CECR2: variants seen among roughly 807,000 people sequenced by gnomAD.
CECR2 encodes the protein CECR2 histone acetyl-lysine reader.
In CECR2, 30 loss-of-function variants were observed where a neutral mutation model predicts 154.5. That is an observed-to-expected ratio of 0.19 (90% CI 0.15 to 0.26). The LOEUF is 0.26. Among genes scored for constraint, CECR2 ranks in the 10% least tolerant of loss-of-function variants. The pLI is 1.00. For synonymous variants in CECR2, 725 were observed against 683.7 expected (o/e 1.06, Z -0.94); for missense variants, 1,743 against 1,829.3 (o/e 0.95, Z 0.86).
chr22:17,540,621 C>G lies in CECR2; in HGVS notation c.1705C>G (p.Pro569Ala). The stretch of plus-strand genomic sequence containing the variant: ...AGAAGGGTCCAGCAGGAAACAGCAG[C>G]CCATGGAGAATGGAGGAAAGTCGTT... Reference protein sequence around the residue: ...DPEGSSRKQQPMENGGKSLPP... With the variant: ...DPEGSSRKQQAMENGGKSLPP... The change falls in exon 14 of 19, where the codon CCC (proline) becomes GCC (alanine). Residue 569 changes from proline (P) to alanine (A), a missense_variant. Pro to Ala is a conservative substitution (Grantham distance 27). Transcript: ENST00000262608. The G allele has an allele frequency of 6.2e-7, 1 of 1,613,832 alleles. No individual in the cohort carries two copies.
At chr22:17,442,541 G>A (rs1398886685) in intron 1 of CECR2, among the ~76,000 whole-genome samples, 2 of 152,060 alleles carry the variant, frequency 1.3e-5, no homozygotes, top group Admixed American at 6.6e-5. Context: ...CACACCACAG[G>A]TTTTTTTGTT....
intron 2 of CECR2, among the ~76,000 whole-genome samples, chr22:17,482,472 T>TA (rs1321697059): frequency 1.3e-5 from 2 of 152,166 alleles, no homozygotes; most frequent in African/African-American, 4.8e-5. Flanking sequence ...AAACAACTCT[T>TA]ACTGGTTTCT....
At chr22:17,432,301 G>A (rs1485599933) in intron 1 of CECR2, among the ~76,000 whole-genome samples, 2 of 152,228 alleles carry the variant, frequency 1.3e-5, no homozygotes, top group Non-Finnish European at 2.9e-5. Flanking sequence ...GCAGGCATTA[G>A]TACTTCATTC....
intron 8 of CECR2, among the ~76,000 whole-genome samples, chr22:17,513,573 G>T (rs548258984): frequency 2.1e-4 from 32 of 152,126 alleles, no homozygotes; most frequent in Non-Finnish European, 4.0e-4. Context: ...GATGTGTCTT[G>T]CCCGATGTTT....
chr22:17,545,637 G>A (rs2056601958), intron 16 of CECR2, among the ~76,000 whole-genome samples: 1 of 151,560 alleles, frequency 6.6e-6, no homozygotes, highest in African/African-American at 2.4e-5. Context: ...GAGGTTAGGA[G>A]TTCAAAACTA....
At chr22:17,503,711 A>T (rs534394180) in intron 6 of CECR2, among the ~76,000 whole-genome samples, 1 of 152,174 alleles carries the variant, frequency 6.6e-6, no homozygotes, top group African/African-American at 2.4e-5. Context: ...GTTGTTAACA[A>T]TGACTTTAAC....
At position 17,469,448 on chromosome 22, in the gene CECR2, G is replaced by C. The variant is rs915092698; in HGVS notation, c.127-8140G>C. Among the ~76,000 whole-genome samples, 3 of 152,320 alleles carry C rather than the reference G, an allele frequency of 2.0e-5. No individual in the cohort carries two copies. The East Asian group carries it at 5.8e-4, about 29-fold the overall frequency. On this transcript the variant is annotated intron_variant, in intron 1 of 18. Transcript: ENST00000262608. ...AGTTTCGACGGGGTCATTTCTCCCAGGGCTGATAAAGTATTCTTGGCCCGC... is the reference window on the plus strand; with the variant it reads ...AGTTTCGACGGGGTCATTTCTCCCACGGCTGATAAAGTATTCTTGGCCCGC...
intron 1 of CECR2, among the ~76,000 whole-genome samples, chr22:17,382,158 G>A (rs547024078): frequency 3.0e-4 from 46 of 151,936 alleles, no homozygotes; most frequent in Non-Finnish European, 5.9e-4. Flanking sequence ...CCAAAGTGCT[G>A]GGATTACAGG....
At chr22:17,503,707 A>G (rs894029421) in intron 6 of CECR2, among the ~76,000 whole-genome samples, 4 of 152,154 alleles carry the variant, frequency 2.6e-5, no homozygotes, top group African/African-American at 9.7e-5. Context: ...TTTAGTTGTT[A>G]ACAATGACTT....
chr22:17,419,564 G>T (rs537318604), intron 1 of CECR2: 84 of 228,998 alleles, frequency 3.7e-4, no homozygotes, highest in Non-Finnish European at 6.2e-4. Flanking sequence ...AGGAGGAGGA[G>T]GAAGAAAAGA....
intron 1 of CECR2, among the ~76,000 whole-genome samples, chr22:17,413,663 G>GATTATTATTATTATTATT (rs111990077): frequency 3.3e-4 from 50 of 150,732 alleles, no homozygotes; most frequent in African/African-American, 1.1e-3. Flanking sequence ...TTGGAAGGAG[G>GATTATTATTATTATTATT]ATTATTATTA....
intron 1 of CECR2, among the ~76,000 whole-genome samples, chr22:17,402,551 A>G (rs986974122): frequency 6.6e-6 from 1 of 152,188 alleles, no homozygotes; most frequent in South Asian, 2.1e-4. Context: ...GTGGTAGGCT[A>G]GATTTGGCCC....
At chr22:17,512,608 CAGG>C (rs1203318070) in intron 8 of CECR2, among the ~76,000 whole-genome samples, 1 of 150,350 alleles carries the variant, frequency 6.7e-6, no homozygotes, top group Non-Finnish European at 1.5e-5. Flanking sequence ...GAGGCTGAAG[CAGG>C]AGAATTGCTT....
At chr22:17,529,047 G>A (rs952976047) in intron 9 of CECR2, among the ~76,000 whole-genome samples, 1 of 152,122 alleles carries the variant, frequency 6.6e-6, no homozygotes, top group East Asian at 1.9e-4. Context: ...AGTGAGCGCT[G>A]ATTTCCCCTG....
At chr22:17,451,906 T>A (rs555767733) in intron 1 of CECR2, among the ~76,000 whole-genome samples, 2 of 152,236 alleles carry the variant, frequency 1.3e-5, no homozygotes, top group South Asian at 4.1e-4. Context: ...AATGGGAGTT[T>A]TAGCTTGACA....
intron 2 of CECR2, among the ~76,000 whole-genome samples, chr22:17,490,712 G>T (rs1198961973): frequency 6.6e-6 from 1 of 152,064 alleles, no homozygotes; most frequent in East Asian, 1.9e-4. Context: ...GCCTCCCAAA[G>T]TGCTAGGATT....
At chr22:17,364,365 A>G (rs898088071) in intron 1 of CECR2, among the ~76,000 whole-genome samples, 1 of 150,908 alleles carries the variant, frequency 6.6e-6, no homozygotes, top group Non-Finnish European at 1.5e-5. Flanking sequence ...AAAAAAAAGA[A>G]TTTGTGCCAT....
intron 1 of CECR2, among the ~76,000 whole-genome samples, chr22:17,397,787 G>A (rs1176083667): frequency 6.6e-6 from 1 of 152,176 alleles, no homozygotes; most frequent in Non-Finnish European, 1.5e-5. Context: ...GTGAGTCACC[G>A]TGCCCGGCTA....
intron 9 of CECR2, among the ~76,000 whole-genome samples, chr22:17,526,464 A>G (rs924676018): frequency 6.6e-6 from 1 of 152,228 alleles, no homozygotes; most frequent in African/African-American, 2.4e-5. Context: ...GAAGAATGAA[A>G]CTAGACCCCT....
Sources: allele counts gnomAD v4.1 joint callset (sites outside exome capture counted in the v4.1 genomes callset), GRCh38; gene constraint gnomAD v4.1.1; transcripts MANE v1.5; gene names NCBI Gene and HGNC (gene_info 2026-07-23, HGNC 2026-07-21).